FSCN2: variants seen among roughly 807,000 people sequenced by gnomAD.
FSCN2 encodes fascin actin-bundling protein 2, retinal, also known as fascin-2.
FSCN2 carries 46 observed loss-of-function variants against 37.8 expected under a neutral mutation model. The ratio of observed to expected loss-of-function variants is 1.22; its 90% CI spans 0.96 to 1.56. FSCN2 has a LOEUF of 1.56. Ranked by LOEUF, FSCN2 falls within the 40% of genes most tolerant of loss-of-function variation. The pLI is 0.00. For missense variants in FSCN2, 844 were observed against 730.4 expected (o/e 1.16, Z -1.79); for synonymous variants, 351 against 309.4 (o/e 1.13, Z -1.41).
At position 81,529,305 on chromosome 17, in the gene FSCN2, C is replaced by G. The variant is rs782392293; in HGVS notation, c.774C>G (p.His258Gln). Residue 258 changes from histidine (H) to glutamine (Q), a missense_variant, in exon 1 of 5, where the codon CAC (histidine) becomes CAG (glutamine). Physicochemically the swap from His to Gln is conservative, Grantham distance 24 (BLOSUM62 0). Coordinates refer to ENST00000417245, the MANE Select transcript of FSCN2 (RefSeq NM_012418.4). ...KDELFDLEES[H>Q]PQVVLVAANH... Reference sequence around the variant, plus strand: ...AGCTCTTTGATCTGGAGGAGAGTCACCCACAGGTGGTGCTGGTGGCTGCCA... The same window carrying G: ...AGCTCTTTGATCTGGAGGAGAGTCAGCCACAGGTGGTGCTGGTGGCTGCCA... 5 of 1,568,734 alleles carry G rather than the reference C, an allele frequency of 3.2e-6. No individual in the cohort carries two copies. Among genetic ancestry groups the G allele is most frequent in the Non-Finnish European group, 3.5e-6 (4 of 1,155,468 alleles).
At chr17:81,532,179 ATGG>A (rs1354370592) in intron 1 of FSCN2, among the ~76,000 whole-genome samples, 6,959 of 118,162 alleles carry the variant, frequency 0.059, 770 homozygotes, top group African/African-American at 0.19. Context: ...GGTGGTGGTG[ATGG>A]TGGTGGTGAT....
At chr17:81,531,077 G>T (rs1555671176) in intron 1 of FSCN2, among the ~76,000 whole-genome samples, 1 of 152,224 alleles carries the variant, frequency 6.6e-6, no homozygotes, top group Non-Finnish European at 1.5e-5. Flanking sequence ...GTGGCATTGT[G>T]GTGTGATGTG....
intron 4 of FSCN2, 42 bp from the exon 5 acceptor site, chr17:81,536,833 C>T (rs760288948): frequency 4.5e-6 from 7 of 1,549,360 alleles, no homozygotes; most frequent in East Asian, 2.4e-5. Context: ...GGGGTGGCAG[C>T]GGGCAGGTGG....
chr17:81,531,674 GA>G (rs2032618309), intron 1 of FSCN2, among the ~76,000 whole-genome samples: 1 of 138,684 alleles, frequency 7.2e-6, no homozygotes, highest in Non-Finnish European at 1.6e-5. Context: ...TGATGATGGT[GA>G]TGATGATGGT....
Position 81,536,144 on chromosome 17 carries a change from A to C in FSCN2, c.984-2A>C. Reference sequence around the variant, plus strand: ...GAGGAGACCTTTTGCTGCTCCCTCCAGTTCTGCCAACACCATGTTTGAGAT... The same window carrying C: ...GAGGAGACCTTTTGCTGCTCCCTCCCGTTCTGCCAACACCATGTTTGAGAT... On this transcript the variant is annotated splice_acceptor_variant, in intron 2 of 4. Coordinates refer to ENST00000417245, the MANE Select transcript of FSCN2 (RefSeq NM_012418.4). LOFTEE classifies it high-confidence loss of function. 6.2e-7 allele frequency: 1 copy of C among 1,607,242 alleles called. No individual in the cohort carries two copies. The highest frequency in any genetic ancestry group is 8.5e-7 in the Non-Finnish European group (1 of 1,177,538).
the FSCN2 span, among the ~76,000 whole-genome samples, chr17:81,517,545 C>G: frequency 6.6e-6 from 1 of 152,182 alleles, no homozygotes; most frequent in East Asian, 1.9e-4. Flanking sequence ...CTCAGTGCCT[C>G]TGTGTGTCGT....
At chr17:81,520,123 A>C in the FSCN2 span, among the ~76,000 whole-genome samples, 4 of 152,152 alleles carry the variant, frequency 2.6e-5, no homozygotes, top group African/African-American at 9.7e-5. Context: ...CCAAGGGGCC[A>C]GGTTGTTTGC....
chr17:81,528,347 T>A, upstream of FSCN2: 1 of 575,430 alleles, frequency 1.7e-6, no homozygotes. Context: ...GCGGGCCCTC[T>A]AAGAGCTGCC....
chr17:81,531,637 T>TG (rs1388965659), intron 1 of FSCN2, among the ~76,000 whole-genome samples: 13 of 143,898 alleles, frequency 9.0e-5, no homozygotes, highest in Non-Finnish European at 4.6e-5. Flanking sequence ...GTGGTGATGG[T>TG]GGTGGTGGTG....
chr17:81,531,345 G>A (rs1414113817), intron 1 of FSCN2, among the ~76,000 whole-genome samples: 63 of 59,578 alleles, frequency 1.1e-3, no homozygotes, highest in Admixed American at 2.5e-3. Context: ...GATGGTGGTG[G>A]TGATGATGGT....
upstream of FSCN2, among the ~76,000 whole-genome samples, chr17:81,524,768 C>T (rs1376353514): frequency 2.0e-5 from 3 of 152,064 alleles, no homozygotes; most frequent in Non-Finnish European, 4.4e-5. Context: ...ACAACCTGGG[C>T]TCCCTGCTGG....
chr17:81,529,231 C>A lies in FSCN2; in HGVS notation c.700C>A (p.Pro234Thr), dbSNP rs2032466369. 6.3e-7 allele frequency: 1 copy of A among 1,598,664 alleles called. No homozygotes were observed. Among genetic ancestry groups the A allele is most frequent in the Non-Finnish European group, 8.5e-7 (1 of 1,172,152 alleles). Residue 234 changes from proline (P) to threonine (T), a missense_variant, in exon 1 of 5, where the codon CCC (proline) becomes ACC (threonine). Transcript: ENST00000417245. ...CGGCCACTACCTGGCACCCGTGGGG[C>A]CCGCAGGCACCCTCAAGGCCGGCCG... is the stretch of plus-strand genomic sequence containing the variant. ...CDGHYLAPVG[P>T]AGTLKAGRNT...
the FSCN2 span, among the ~76,000 whole-genome samples, chr17:81,517,900 C>T: frequency 6.6e-6 from 1 of 152,084 alleles, no homozygotes; most frequent in Non-Finnish European, 1.5e-5. Context: ...CGAGGAGCCC[C>T]CACCCTCTTC....
At chr17:81,533,373 G>A (rs149288461) in intron 1 of FSCN2, among the ~76,000 whole-genome samples, 5,950 of 152,282 alleles carry the variant, frequency 0.039, 155 homozygotes, top group East Asian at 0.12. Flanking sequence ...GGAGTCCAGA[G>A]AGCCCTGGGC....
upstream of FSCN2, among the ~76,000 whole-genome samples, chr17:81,524,016 G>C (rs2032278075): frequency 6.6e-6 from 1 of 152,190 alleles, no homozygotes; most frequent in Non-Finnish European, 1.5e-5. Context: ...GGGGGGCTTG[G>C]GGTCCTTCCC....
chr17:81,524,239 C>T (rs950018356), upstream of FSCN2, among the ~76,000 whole-genome samples: 1 of 152,206 alleles, frequency 6.6e-6, no homozygotes, highest in African/African-American at 2.4e-5. Flanking sequence ...GCTCAGGCCT[C>T]GGGAGGCTGC....
chr17:81,518,603 C>T, the FSCN2 span, among the ~76,000 whole-genome samples: 18 of 152,348 alleles, frequency 1.2e-4, no homozygotes, highest in Non-Finnish European at 2.4e-4. Flanking sequence ...CACGGACCCT[C>T]TCCTGCCCGC....
chr17:81,529,450 G>GT, intron 1 of FSCN2, 93 bp downstream of exon 1: 1 of 969,154 alleles, frequency 1.0e-6, no homozygotes, highest in Non-Finnish European at 1.6e-6. Flanking sequence ...GAGTGGTATC[G>GT]TGTCTGTGCG....
intron 2 of FSCN2, 62 bp downstream of exon 2, chr17:81,535,270 TCACCATCCC>T: frequency 1.8e-6 from 2 of 1,128,134 alleles, no homozygotes; most frequent in Non-Finnish European, 1.2e-6. Flanking sequence ...ATCCCCATCA[TCACCATCCC>T]CACCATCCGC....
Sources: gnomAD v4.1 joint callset for allele counts (sites outside exome capture counted in the v4.1 genomes callset) on GRCh38, gnomAD v4.1.1 for gene constraint, MANE v1.5 for transcripts, NCBI Gene and HGNC (gene_info 2026-07-23, HGNC 2026-07-21) for gene names.